Variants in GRIK4 observed in about 807,000 individuals in gnomAD.
GRIK4 encodes glutamate ionotropic receptor kainate type subunit 4.
Under a neutral mutation model 104.9 loss-of-function variants are expected in GRIK4, and 40 were observed. That is an observed-to-expected ratio of 0.38 (90% CI 0.30 to 0.50). The LOEUF is 0.50. GRIK4 is among the 20% of genes least tolerant of loss of function. GRIK4 has a pLI of 0.93. For missense variants in GRIK4, 1,047 were observed against 1,308.1 expected (o/e 0.80, Z 3.08); for synonymous variants, 485 against 524.9 (o/e 0.92, Z 1.04).
At chr11:120,773,099 A>G (rs1951978061) in intron 3 of GRIK4, among the ~76,000 whole-genome samples, 1 of 152,202 alleles carries the variant, frequency 6.6e-6, no homozygotes, top group African/African-American at 2.4e-5. Context: ...TCATCATAAC[A>G]GTAGATGTTG....
intron 3 of GRIK4, among the ~76,000 whole-genome samples, chr11:120,685,479 G>GA (rs1221338951): frequency 6.6e-6 from 1 of 152,172 alleles, no homozygotes; most frequent in Non-Finnish European, 1.5e-5. Flanking sequence ...ACTAGGATGG[G>GA]ACTTGGAAGT....
intron 3 of GRIK4, among the ~76,000 whole-genome samples, chr11:120,782,113 T>C (rs1394397721): frequency 1.3e-5 from 2 of 152,166 alleles, no homozygotes; most frequent in Admixed American, 1.3e-4. Flanking sequence ...TTTCTTTCTC[T>C]TTGTAGTACT....
At chr11:120,538,114 C>T (rs373059533) in intron 1 of GRIK4, among the ~76,000 whole-genome samples, 105 of 152,354 alleles carry the variant, frequency 6.9e-4, no homozygotes, top group African/African-American at 1.1e-3. Context: ...CTTAGGAATA[C>T]GAAGATGCTT....
intron 6 of GRIK4, among the ~76,000 whole-genome samples, chr11:120,820,452 G>T (rs952363488): frequency 6.6e-6 from 1 of 152,208 alleles, no homozygotes; most frequent in African/African-American, 2.4e-5. Context: ...TTTAGCAAAT[G>T]CAGGTTTTGG....
At chr11:120,841,716 T>A (rs1407726036) in intron 8 of GRIK4, among the ~76,000 whole-genome samples, 1 of 152,202 alleles carries the variant, frequency 6.6e-6, no homozygotes, top group African/African-American at 2.4e-5. Context: ...ACCACACCAT[T>A]TTTCGTTCCT....
intron 1 of GRIK4, among the ~76,000 whole-genome samples, chr11:120,625,015 G>A (rs971923397): frequency 6.6e-6 from 1 of 152,178 alleles, no homozygotes; most frequent in Non-Finnish European, 1.5e-5. Flanking sequence ...CGGGCGCGGT[G>A]GCTCACGCCT....
At position 120,632,552 on chromosome 11, in the gene GRIK4, G is replaced by A. The variant is rs964466613; in HGVS notation, c.-158-21133G>A. Among the ~76,000 whole-genome samples the A allele has an allele frequency of 2.6e-5, 4 of 152,092 alleles. No homozygotes were observed. In the East Asian group the frequency reaches 7.7e-4, roughly 29 times the overall value. ...CCGTTTCCAGGTTAGCTCCAGGTATGAGATATAGAAGTCTAACACTTGTCC... is the reference window on the plus strand; with the variant it reads ...CCGTTTCCAGGTTAGCTCCAGGTATAAGATATAGAAGTCTAACACTTGTCC... On this transcript the variant is annotated intron_variant, in intron 1 of 20. Coordinates refer to ENST00000527524, the MANE Select transcript of GRIK4 (RefSeq NM_014619.5).
At chr11:120,941,477 G>C (rs1943723042) in intron 14 of GRIK4, among the ~76,000 whole-genome samples, 1 of 152,100 alleles carries the variant, frequency 6.6e-6, no homozygotes, top group Non-Finnish European at 1.5e-5. Flanking sequence ...TTGTTGTTAA[G>C]GGTTGAATTG....
At chr11:120,839,718 G>A (rs943338296) in intron 8 of GRIK4, among the ~76,000 whole-genome samples, 2 of 152,170 alleles carry the variant, frequency 1.3e-5, no homozygotes, top group Non-Finnish European at 2.9e-5. Context: ...GTTTATTTGT[G>A]TCGGTAATTA....
chr11:120,856,192 T>C (rs1041127274), intron 8 of GRIK4, among the ~76,000 whole-genome samples: 1 of 152,198 alleles, frequency 6.6e-6, no homozygotes, highest in African/African-American at 2.4e-5. Flanking sequence ...ACATCGAAAG[T>C]TCAGAGATCC....
At chr11:120,705,353 G>C (rs543494156) in intron 3 of GRIK4, among the ~76,000 whole-genome samples, 1 of 151,972 alleles carries the variant, frequency 6.6e-6, no homozygotes, top group African/African-American at 2.4e-5. Context: ...AGCCTCCCAG[G>C]TAGCTGGGAT....
rs1040075632 is a variant in GRIK4 at position 120,549,595 on chromosome 11, C to T, written c.-159+37708C>T. On this transcript the variant is annotated intron_variant, in intron 1 of 20. Transcript: ENST00000527524. The surrounding 1 kb of genome is among the most constrained non-coding windows in gnomAD (Gnocchi z 4.7). ...GAGGGGCACAGCAGGCACCCCCTCC[C>T]GGAGCCTGGCTAGGGCGTGTGCAAC... Among the ~76,000 whole-genome samples, 5 of 152,188 alleles carry T rather than the reference C, an allele frequency of 3.3e-5. No individual in the cohort carries two copies. Among genetic ancestry groups the T allele is most frequent in the African/African-American group, 9.7e-5 (4 of 41,436 alleles).
At chr11:120,962,417 C>G (rs539772440) in intron 17 of GRIK4, 39 bp from the exon 18 acceptor site, 1 of 1,452,500 alleles carries the variant, frequency 6.9e-7, no homozygotes, top group East Asian at 2.3e-5. Context: ...CGTTTCCTTC[C>G]TCTTTTCCCA....
intron 4 of GRIK4, among the ~76,000 whole-genome samples, chr11:120,809,158 C>T (rs138699717): frequency 5.9e-5 from 9 of 152,332 alleles, no homozygotes; most frequent in East Asian, 1.9e-4. Flanking sequence ...GTAAGTTCCA[C>T]GACGCCCCTC....
intron 3 of GRIK4, among the ~76,000 whole-genome samples, chr11:120,677,552 C>T (rs1293563714): frequency 6.6e-6 from 1 of 152,182 alleles, no homozygotes; most frequent in Admixed American, 6.5e-5. Context: ...TAGGGCTCAG[C>T]TCTATGGAAA....
intron 3 of GRIK4, among the ~76,000 whole-genome samples, chr11:120,709,154 A>G (rs139626996): frequency 1.8e-3 from 267 of 152,180 alleles, no homozygotes; most frequent in Middle Eastern, 6.8e-3. Flanking sequence ...TTAAAAATGT[A>G]GACTTCAGAC....
At chr11:120,574,492 C>A (rs1014557052) in intron 1 of GRIK4, among the ~76,000 whole-genome samples, 6 of 152,218 alleles carry the variant, frequency 3.9e-5, no homozygotes, top group African/African-American at 7.2e-5. Context: ...CTGGCTCACT[C>A]TCCTTCATTC....
At chr11:120,799,276 T>C (rs570120133) in intron 3 of GRIK4, among the ~76,000 whole-genome samples, 1 of 152,312 alleles carries the variant, frequency 6.6e-6, no homozygotes, top group African/African-American at 2.4e-5. Flanking sequence ...GATAGCTGCC[T>C]CCATGGTCTG....
intron 2 of GRIK4, among the ~76,000 whole-genome samples, chr11:120,658,028 G>A (rs529814672): frequency 6.6e-6 from 1 of 152,230 alleles, no homozygotes; most frequent in East Asian, 1.9e-4. Context: ...AGAGTGGTTT[G>A]GTCTATTTTT....
Sources: allele counts gnomAD v4.1 joint callset (sites outside exome capture counted in the v4.1 genomes callset), GRCh38; gene constraint gnomAD v4.1.1; non-coding constraint Gnocchi (gnomAD v3.1); transcripts MANE v1.5; gene names NCBI Gene and HGNC (gene_info 2026-07-23, HGNC 2026-07-21).